Variants in PTPRN2 observed in about 807,000 individuals in gnomAD.
PTPRN2 encodes the protein protein tyrosine phosphatase receptor type N2.
A neutral mutation model predicts 118.8 loss-of-function variants in PTPRN2; 74 were observed. That is an observed-to-expected ratio of 0.62 (90% CI 0.52 to 0.76). The LOEUF is 0.76. Ranked by LOEUF, PTPRN2 falls within the 30% of genes least tolerant of loss-of-function variation. The pLI is 0.00. For missense variants in PTPRN2, 1,481 were observed against 1,394.4 expected (o/e 1.06, Z -0.99); for synonymous variants, 641 against 608.0 (o/e 1.05, Z -0.80).
chr7:158,129,458 T>TACAACACACTGTGCACC (rs1217883261), intron 9 of PTPRN2, among the ~76,000 whole-genome samples: 2 of 132,006 alleles, frequency 1.5e-5, no homozygotes, highest in Non-Finnish European at 1.6e-5. Context: ...ACACCACATA[T>TACAACACACTGTGCACC]ACAACACACT....
chr7:157,835,309 C>G (rs893463008), intron 12 of PTPRN2, among the ~76,000 whole-genome samples: 1 of 152,110 alleles, frequency 6.6e-6, no homozygotes, highest in African/African-American at 2.4e-5. Flanking sequence ...AAAAACAGAA[C>G]CGTTACCAAG....
intron 17 of PTPRN2, among the ~76,000 whole-genome samples, chr7:157,588,302 G>A (rs1264531136): frequency 2.0e-5 from 3 of 152,252 alleles, no homozygotes; most frequent in Non-Finnish European, 4.4e-5. Context: ...GTTGACTCGA[G>A]CCGCGTAGCA....
intron 11 of PTPRN2, among the ~76,000 whole-genome samples, chr7:157,956,390 C>T (rs954726045): frequency 1.3e-5 from 2 of 152,174 alleles, no homozygotes; most frequent in Non-Finnish European, 2.9e-5. Flanking sequence ...CTAAGTTAGA[C>T]TAAACAAGGC....
intron 11 of PTPRN2, among the ~76,000 whole-genome samples, chr7:157,925,038 C>A (rs112700805): frequency 1.9e-5 from 1 of 53,600 alleles, no homozygotes; most frequent in Non-Finnish European, 3.4e-5. Flanking sequence ...GCATTTAGCA[C>A]GTCAGGCAAA....
At chr7:158,329,465 G>T (rs1803950232) in intron 2 of PTPRN2, among the ~76,000 whole-genome samples, 1 of 152,168 alleles carries the variant, frequency 6.6e-6, no homozygotes, top group African/African-American at 2.4e-5. Flanking sequence ...GAGGCGAGGA[G>T]GTGGGGCCTT....
chr7:158,154,702 C>T (rs911450214), intron 6 of PTPRN2, among the ~76,000 whole-genome samples: 11 of 152,116 alleles, frequency 7.2e-5, no homozygotes, highest in Non-Finnish European at 1.6e-4. Flanking sequence ...TACTTCCCCT[C>T]ATCTGAAAAA....
Position 158,534,876 on chromosome 7 carries a change from G to A in PTPRN2, c.113-45091C>T, listed in dbSNP as rs1207248610. Among the ~76,000 whole-genome samples the A allele has an allele frequency of 8.5e-5, 13 of 152,314 alleles. No homozygotes were observed. In the South Asian group the frequency reaches 1.2e-3, roughly 15 times the overall value. On this transcript the variant is annotated intron_variant, in intron 1 of 22. Coordinates refer to ENST00000389418, the MANE Select transcript of PTPRN2 (RefSeq NM_002847.5). ...GGCAGCCTGCACAGCCAGGGAGGGC[G>A]GGGTGGGAAACGCAGCGGGAGACAG...
chr7:158,272,878 G>A (rs1373994786), intron 3 of PTPRN2, among the ~76,000 whole-genome samples: 1 of 152,232 alleles, frequency 6.6e-6, no homozygotes, highest in African/African-American at 2.4e-5. Flanking sequence ...GGAAGCTACA[G>A]TCAATAGCTG....
At chr7:158,150,781 G>C (rs139302600) in intron 6 of PTPRN2, among the ~76,000 whole-genome samples, 1 of 151,686 alleles carries the variant, frequency 6.6e-6, no homozygotes, top group Non-Finnish European at 1.5e-5. Context: ...GCAGCACCGC[G>C]ACCCAGCACT....
chr7:157,978,960 A>C (rs1030461946), intron 11 of PTPRN2, among the ~76,000 whole-genome samples: 1 of 152,036 alleles, frequency 6.6e-6, no homozygotes, highest in Non-Finnish European at 1.5e-5. Context: ...GCCCAGCGGA[A>C]GGCCCAGAGG....
Position 157,813,797 on chromosome 7 carries a change from C to G in PTPRN2, c.1788+84876G>C, listed in dbSNP as rs569070565. Among the ~76,000 whole-genome samples the G allele has an allele frequency of 6.6e-6, 1 of 152,364 alleles. No individual in the cohort carries two copies. Among genetic ancestry groups the G allele is most frequent in the Non-Finnish European group, 1.5e-5 (1 of 68,044 alleles). ...TACCCCGGTGGTTTTCATCTGGACC[C>G]TGAGTCAGAATGGCCTGGAGCGCGG... On this transcript the variant is annotated intron_variant, in intron 12 of 22. Transcript: ENST00000389418. The surrounding 1 kb of genome is among the most constrained non-coding windows in gnomAD (Gnocchi z 4.7).
At chr7:158,202,763 G>A (rs1414747233) in intron 4 of PTPRN2, among the ~76,000 whole-genome samples, 1 of 152,172 alleles carries the variant, frequency 6.6e-6, no homozygotes, top group African/African-American at 2.4e-5. Flanking sequence ...GTTTTTATTT[G>A]TAACCATAGC....
At chr7:158,444,554 C>T (rs1430819224) in intron 2 of PTPRN2, among the ~76,000 whole-genome samples, 1 of 152,234 alleles carries the variant, frequency 6.6e-6, no homozygotes, top group Non-Finnish European at 1.5e-5. Context: ...AGGCCAAAAC[C>T]CTGTTAGAGC....
At chr7:158,473,705 C>T (rs113149741) in intron 2 of PTPRN2, among the ~76,000 whole-genome samples, 71 of 152,270 alleles carry the variant, frequency 4.7e-4, no homozygotes, top group African/African-American at 1.6e-3. Flanking sequence ...CTCATTCAAA[C>T]TTGACCTCAG....
chr7:158,491,676 G>A (rs1026444022), intron 1 of PTPRN2, among the ~76,000 whole-genome samples: 1 of 152,110 alleles, frequency 6.6e-6, no homozygotes, highest in Non-Finnish European at 1.5e-5. Context: ...TTTTAGTAGA[G>A]ACGGGATTTC....
intron 1 of PTPRN2, among the ~76,000 whole-genome samples, chr7:158,556,709 C>T (rs1309129553): frequency 2.0e-5 from 3 of 151,136 alleles, no homozygotes; most frequent in African/African-American, 7.3e-5. Flanking sequence ...GCAGGTCAGA[C>T]GGCTCCCGGG....
At chr7:158,149,772 C>G (rs1412166817) in intron 6 of PTPRN2, among the ~76,000 whole-genome samples, 2 of 150,074 alleles carry the variant, frequency 1.3e-5, no homozygotes, top group Non-Finnish European at 3.0e-5. Flanking sequence ...CCATTGCACT[C>G]CAGCCTGAGT....
At position 157,996,583 on chromosome 7, in the gene PTPRN2, G is replaced by A. The variant is rs577366322; in HGVS notation, c.1723+84715C>T. Among the ~76,000 whole-genome samples, 13 of 152,324 alleles carry A rather than the reference G, an allele frequency of 8.5e-5. No individual in the cohort carries two copies. The South Asian group carries it at 1.2e-3, about 15-fold the overall frequency. On this transcript the variant is annotated intron_variant, in intron 11 of 22. Coordinates refer to ENST00000389418, the MANE Select transcript of PTPRN2 (RefSeq NM_002847.5). The stretch of plus-strand genomic sequence containing the variant: ...GGGGGCTCCCACCACCCCGAGGGCC[G>A]GTCCCCCATGCCTGTTGGAGGGTGG...
intron 12 of PTPRN2, among the ~76,000 whole-genome samples, chr7:157,846,152 G>A (rs546283698): frequency 3.3e-5 from 5 of 152,236 alleles, no homozygotes; most frequent in East Asian, 1.9e-4. Flanking sequence ...CTGGGTCTGC[G>A]TCCAGCCAGG....
Sources: gnomAD v4.1 joint callset for allele counts (sites outside exome capture counted in the v4.1 genomes callset) on GRCh38, gnomAD v4.1.1 for gene constraint, Gnocchi (gnomAD v3.1) non-coding constraint, MANE v1.5 for transcripts, NCBI Gene and HGNC (gene_info 2026-07-23, HGNC 2026-07-21) for gene names.